GRIN3A: variants seen among roughly 807,000 people sequenced by gnomAD.
GRIN3A encodes glutamate ionotropic receptor NMDA type subunit 3A.
GRIN3A carries 47 observed loss-of-function variants against 92.4 expected under a neutral mutation model. That is an observed-to-expected ratio of 0.51 (90% confidence interval 0.40 to 0.65). GRIN3A has a LOEUF of 0.65. Ranked by LOEUF, GRIN3A falls within the 30% of genes least tolerant of loss-of-function variation. The probability of loss-of-function intolerance (pLI) is 0.00; values close to 1 mark genes in which losing one functional copy is unlikely to be tolerated. For synonymous variants in GRIN3A, 527 were observed against 540.6 expected (o/e 0.97, Z 0.35); for missense variants, 1,324 against 1,393.1 (o/e 0.95, Z 0.79).
chr9:101,717,591 T>A (rs1829963379), intron 1 of GRIN3A, among the ~76,000 whole-genome samples: 1 of 152,214 alleles, frequency 6.6e-6, no homozygotes, highest in South Asian at 2.1e-4. Flanking sequence ...TCCCGATACT[T>A]TGTTTGACAG....
chr9:101,610,243 C>G (rs1460224753), intron 6 of GRIN3A, among the ~76,000 whole-genome samples: 1 of 152,198 alleles, frequency 6.6e-6, no homozygotes, highest in Non-Finnish European at 1.5e-5. Context: ...ATAGTGAGAA[C>G]TACGCTCTGG....
At chr9:101,665,417 C>A (rs184099682) in intron 3 of GRIN3A, among the ~76,000 whole-genome samples, 2 of 151,844 alleles carry the variant, frequency 1.3e-5, no homozygotes, top group East Asian at 1.9e-4. Context: ...GGCAGGTGTT[C>A]AAGAGCATTA....
At position 101,690,509 on chromosome 9, in the gene GRIN3A, T is replaced by G. The variant is rs1221434345; in HGVS notation, c.700-3309A>C. 2.6e-5 allele frequency among the ~76,000 whole-genome samples: 4 copies of G among 152,146 alleles called. No individual in the cohort carries two copies. The East Asian group carries it at 7.7e-4, about 29-fold the overall frequency. ...CTCGTAGAATGAAATCCCAAGTAAG[T>G]GCAGAGCTGCAGGGAGAGAGGAGTC... On this transcript the variant is annotated intron_variant, in intron 1 of 8. Transcript: ENST00000361820.
intron 1 of GRIN3A, among the ~76,000 whole-genome samples, chr9:101,731,483 C>T (rs773102964): frequency 1.3e-5 from 2 of 152,118 alleles, no homozygotes; most frequent in African/African-American, 2.4e-5. Context: ...AAATGAATAA[C>T]GATGAGGTGT....
intron 3 of GRIN3A, among the ~76,000 whole-genome samples, chr9:101,628,951 T>C (rs535811368): frequency 9.4e-5 from 14 of 149,722 alleles, no homozygotes; most frequent in Non-Finnish European, 1.9e-4. Context: ...TAATACAGAG[T>C]ATTTTTTTTA....
intron 2 of GRIN3A, 129 bp downstream of exon 2, chr9:101,686,467 C>A: frequency 9.5e-7 from 1 of 1,054,260 alleles, no homozygotes; most frequent in South Asian, 1.3e-5. Context: ...AACCAGAAAT[C>A]CTCTAAGAAA....
chr9:101,653,242 A>G (rs1211448260), intron 3 of GRIN3A, among the ~76,000 whole-genome samples: 1 of 151,946 alleles, frequency 6.6e-6, no homozygotes. Context: ...TTATAACTAT[A>G]TTGAAGCATT....
chr9:101,607,797 A>C (rs575486193), intron 6 of GRIN3A, among the ~76,000 whole-genome samples: 1 of 152,308 alleles, frequency 6.6e-6, no homozygotes, highest in African/African-American at 2.4e-5. Flanking sequence ...GCGAAGCATT[A>C]ATAATTACGC....
chr9:101,710,754 C>T lies in GRIN3A; in HGVS notation c.700-23554G>A, dbSNP rs189836461. Among the ~76,000 whole-genome samples the T allele has an allele frequency of 5.4e-4, 82 of 152,304 alleles. 1 individual carries two copies. The highest frequency in any genetic ancestry group is 5.2e-4 in the Admixed American group (8 of 15,300). On this transcript the variant is annotated intron_variant, in intron 1 of 8. Transcript: ENST00000361820. ...GGTACAGAGTTGACTGGCAACCAGA[C>T]ATGGTTTTAGGCACTCTGAATGACA...
chr9:101,575,491 G>A (rs1827814076), intron 8 of GRIN3A, among the ~76,000 whole-genome samples: 1 of 152,136 alleles, frequency 6.6e-6, no homozygotes, highest in Non-Finnish European at 1.5e-5. Flanking sequence ...CCAGTGAGAT[G>A]AAAGATAGAC....
chr9:101,589,694 ATATTT>A (rs1393210508), intron 6 of GRIN3A, among the ~76,000 whole-genome samples: 1 of 151,982 alleles, frequency 6.6e-6, no homozygotes, highest in African/African-American at 2.4e-5. Context: ...TTGTTTTGTT[ATATTT>A]TATTATATAA....
chr9:101,684,071 C>G (rs1033084714), intron 2 of GRIN3A, among the ~76,000 whole-genome samples: 1 of 150,454 alleles, frequency 6.6e-6, no homozygotes, highest in African/African-American at 2.5e-5. Context: ...CTTCCCTCCC[C>G]CTTCCTTTCC....
At chr9:101,646,386 T>C (rs527401425) in intron 3 of GRIN3A, among the ~76,000 whole-genome samples, 9 of 151,988 alleles carry the variant, frequency 5.9e-5, no homozygotes, top group African/African-American at 1.9e-4. Context: ...TATGTGTCCA[T>C]TTTTATGTCA....
intron 6 of GRIN3A, among the ~76,000 whole-genome samples, chr9:101,598,360 T>G (rs1828167121): frequency 6.6e-6 from 1 of 152,144 alleles, no homozygotes; most frequent in Non-Finnish European, 1.5e-5. Flanking sequence ...AGGAAAGATA[T>G]GGAGGCTAAA....
At chr9:101,647,894 A>G (rs746294772) in intron 3 of GRIN3A, among the ~76,000 whole-genome samples, 1 of 151,822 alleles carries the variant, frequency 6.6e-6, no homozygotes, top group Non-Finnish European at 1.5e-5. Context: ...TAGTTTAGCT[A>G]AAGGTTTGTC....
At chr9:101,625,248 A>T (rs1159275349) in intron 4 of GRIN3A, among the ~76,000 whole-genome samples, 1 of 152,214 alleles carries the variant, frequency 6.6e-6, no homozygotes, top group South Asian at 2.1e-4. Context: ...AGTTGTCCAA[A>T]CAGCTTTGCA....
chr9:101,636,454 A>C (rs1241646661), intron 3 of GRIN3A, among the ~76,000 whole-genome samples: 2 of 152,188 alleles, frequency 1.3e-5, no homozygotes, highest in African/African-American at 2.4e-5. Flanking sequence ...CCGTTTTAAA[A>C]ATGGAGGAAC....
intron 2 of GRIN3A, among the ~76,000 whole-genome samples, chr9:101,675,697 G>A (rs1038951351): frequency 6.6e-6 from 1 of 151,544 alleles, no homozygotes; most frequent in Non-Finnish European, 1.5e-5. Flanking sequence ...AAAGGTTTGA[G>A]CTTTGATTTA....
chr9:101,716,144 A>C (rs1240990915), intron 1 of GRIN3A, among the ~76,000 whole-genome samples: 1 of 152,204 alleles, frequency 6.6e-6, no homozygotes, highest in Non-Finnish European at 1.5e-5. Flanking sequence ...AGAGGAAAGG[A>C]CAATGAGGGG....
Sources: gnomAD v4.1 joint callset for allele counts (sites outside exome capture counted in the v4.1 genomes callset) on GRCh38, gnomAD v4.1.1 for gene constraint, MANE v1.5 for transcripts, NCBI Gene and HGNC (gene_info 2026-07-23, HGNC 2026-07-21) for gene names.